Variants in ATPAF1 observed in about 807,000 individuals in gnomAD.
ATPAF1 encodes the protein homolog of yeast ATP11.
Under a neutral mutation model 43.9 loss-of-function variants are expected in ATPAF1, and 26 were observed. The ratio of observed to expected loss-of-function variants is 0.59; its 90% CI spans 0.43 to 0.82. ATPAF1 has a LOEUF of 0.82. Ranked by LOEUF, ATPAF1 falls within the 40% of genes least tolerant of loss-of-function variation. The probability of loss-of-function intolerance (pLI) is 0.00; values close to 1 mark genes in which losing one functional copy is unlikely to be tolerated. For missense variants in ATPAF1, 366 were observed against 435.0 expected, an observed-to-expected ratio of 0.84 and a Z score of 1.41; for synonymous variants, 157 against 168.0, an observed-to-expected ratio of 0.93 and a Z score of 0.50.
intron 6 of ATPAF1, among the ~76,000 whole-genome samples, chr1:46,649,948 G>T (rs1676132729): frequency 2.0e-5 from 3 of 151,926 alleles, no homozygotes; most frequent in Admixed American, 6.6e-5. Context: ...AAAACAAAAT[G>T]TAACAAACTG....
chr1:46,652,397 G>A, intron 6 of ATPAF1, 184 bp downstream of exon 6: 1 of 557,080 alleles, frequency 1.8e-6, no homozygotes, highest in Non-Finnish European at 3.1e-6. Flanking sequence ...CAATCAACGT[G>A]TGAGCATCTT....
intron 2 of ATPAF1, chr1:46,664,990 T>TTG (rs1447668326): frequency 1.9e-5 from 8 of 427,442 alleles, no homozygotes; most frequent in South Asian, 3.5e-5. Flanking sequence ...TCTAGCCTAC[T>TTG]ACCATGTGTG....
At chr1:46,668,505 C>G, upstream of ATPAF1, 1 of 783,934 alleles carries the variant, frequency 1.3e-6, no homozygotes, top group Non-Finnish European at 1.6e-6. The surrounding 1 kb of genome is among the most constrained non-coding windows in gnomAD (Gnocchi z 4.4). Flanking sequence ...GCCGCTCTGG[C>G]CCCGGCACTG....
At chr1:46,641,591 T>C (rs1044057046) in intron 8 of ATPAF1, among the ~76,000 whole-genome samples, 1 of 152,162 alleles carries the variant, frequency 6.6e-6, no homozygotes, top group Admixed American at 6.5e-5. Flanking sequence ...TTTATGAAAC[T>C]GCTCTTATAA....
At chr1:46,650,559 G>C (rs1676145409) in intron 6 of ATPAF1, among the ~76,000 whole-genome samples, 1 of 152,138 alleles carries the variant, frequency 6.6e-6, no homozygotes, top group Admixed American at 6.5e-5. Flanking sequence ...ATGTTGAAGA[G>C]ATATCTGCAC....
Position 46,668,093 on chromosome 1 carries a change from T to C in ATPAF1, c.230A>G (p.Tyr77Cys), listed in dbSNP as rs981477325. 14 of 1,453,424 alleles carry C rather than the reference T, an allele frequency of 9.6e-6. 1 individual carries two copies. Among genetic ancestry groups the C allele is most frequent in the Non-Finnish European group, 4.5e-6 (5 of 1,101,210 alleles). 90.0% of individuals were successfully genotyped at this position (1,453,424 alleles called of 1,614,324 possible). A position where few individuals can be genotyped will look rare whatever the true frequency, so the allele number is the denominator to read the frequency against. ...CTGGATCTTGTCGCGGTAGCGGTCGTAGAAAGGGTTGGCCTGGAGCTCGGC... is the reference window on the plus strand; with the variant it reads ...CTGGATCTTGTCGCGGTAGCGGTCGCAGAAAGGGTTGGCCTGGAGCTCGGC... Residue 77 changes from tyrosine to cysteine, a missense_variant, in exon 1 of 9, where the codon TAC (tyrosine) becomes TGC (cysteine). Physicochemically the swap from Tyr to Cys is radical, Grantham distance 194. Transcript: ENST00000574428. The surrounding 1 kb of genome is among the most constrained non-coding windows in gnomAD (Gnocchi z 4.4).
At chr1:46,667,572 G>A (rs1442660956) in intron 1 of ATPAF1, among the ~76,000 whole-genome samples, 1 of 152,154 alleles carries the variant, frequency 6.6e-6, no homozygotes, top group African/African-American at 2.4e-5. Context: ...TTCAATGGGT[G>A]ATCCGACTGT....
intron 7 of ATPAF1, among the ~76,000 whole-genome samples, chr1:46,644,538 A>G (rs1284898256): frequency 1.3e-5 from 2 of 150,710 alleles, no homozygotes; most frequent in Non-Finnish European, 3.0e-5. Flanking sequence ...CTTTACCCCA[A>G]CTTCAAAGCC....
chr1:46,646,222 CTTT>C (rs1260443110), intron 6 of ATPAF1, among the ~76,000 whole-genome samples: 1 of 152,084 alleles, frequency 6.6e-6, no homozygotes, highest in Non-Finnish European at 1.5e-5. Flanking sequence ...CCTTTTGTAA[CTTT>C]TTTACTTCAT....
At chr1:46,635,485 C>T in exon 9 of ATPAF1, 1 of 386,086 alleles carries the variant, frequency 2.6e-6, no homozygotes, top group Non-Finnish European at 4.7e-6. Flanking sequence ...TTACACTGTG[C>T]AAAATCAAGT....
chr1:46,656,057 T>TA (rs1396934784), intron 4 of ATPAF1, among the ~76,000 whole-genome samples: 1 of 152,050 alleles, frequency 6.6e-6, no homozygotes, highest in African/African-American at 2.4e-5. Flanking sequence ...TGTGAAATAA[T>TA]AAGAAACATG....
intron 8 of ATPAF1, among the ~76,000 whole-genome samples, chr1:46,639,482 G>T (rs1328540579): frequency 6.6e-6 from 1 of 152,118 alleles, no homozygotes; most frequent in African/African-American, 2.4e-5. Context: ...AGCACTTACT[G>T]CATTTCAATG....
At chr1:46,661,100 T>C (rs1425819606) in intron 2 of ATPAF1, among the ~76,000 whole-genome samples, 7 of 147,478 alleles carry the variant, frequency 4.7e-5, no homozygotes, top group Non-Finnish European at 1.0e-4. Context: ...GGAGACAGAG[T>C]CTCACTCTGT....
intron 6 of ATPAF1, among the ~76,000 whole-genome samples, chr1:46,650,684 T>C (rs551094728): frequency 6.6e-6 from 1 of 152,286 alleles, no homozygotes; most frequent in East Asian, 1.9e-4. Context: ...TGGAATACTA[T>C]TTAGCCACAA....
intron 7 of ATPAF1, among the ~76,000 whole-genome samples, chr1:46,644,717 TAAAG>T (rs1447757444): frequency 1.7e-5 from 2 of 117,288 alleles, no homozygotes; most frequent in South Asian, 6.7e-4. Context: ...AATAAAGAAA[TAAAG>T]GAAGAAAGCA....
intron 4 of ATPAF1, among the ~76,000 whole-genome samples, chr1:46,654,495 G>A (rs1202926558): frequency 6.7e-6 from 1 of 149,884 alleles, no homozygotes; most frequent in Non-Finnish European, 1.5e-5. Context: ...TGCTAATAAA[G>A]ATATACCTGA....
intron 3 of ATPAF1, 128 bp from the exon 4 acceptor site, chr1:46,658,317 T>A: frequency 1.3e-6 from 1 of 796,118 alleles, no homozygotes; most frequent in Non-Finnish European, 2.0e-6. Context: ...AGAAAACAAG[T>A]ATAAGAAAAC....
chr1:46,666,779 T>C (rs929801560), intron 1 of ATPAF1, among the ~76,000 whole-genome samples: 3 of 152,164 alleles, frequency 2.0e-5, no homozygotes, highest in African/African-American at 7.2e-5. Context: ...AGTTTGGATG[T>C]TATTTAGAGG....
Position 46,653,701 on chromosome 1 carries a change from A to C in ATPAF1, c.540+116T>G, listed in dbSNP as rs1275696620. 8.7e-6 allele frequency: 8 copies of C among 914,806 alleles called. No homozygotes were observed. Among genetic ancestry groups the C allele is most frequent in the Admixed American group, 2.4e-5 (1 of 41,104 alleles). The allele number at this position is 914,806 out of a possible 1,614,324, so 56.7% of individuals were successfully genotyped here. On this transcript the variant is annotated intron_variant, in intron 5 of 8. Coordinates refer to ENST00000574428, the Ensembl canonical transcript of ATPAF1. This position sits in a 1 kb window ranked among gnomAD's most constrained non-coding sequence, Gnocchi z 4.8. ...CATAATAAAAACTCTCAGGGCTGTA[A>C]AATGCAGCTTCTCAAGAGGCAATAA...
Sources: allele counts gnomAD v4.1 joint callset (sites outside exome capture counted in the v4.1 genomes callset), GRCh38; gene constraint gnomAD v4.1.1; non-coding constraint Gnocchi (gnomAD v3.1); transcripts MANE v1.5; gene names NCBI Gene and HGNC (gene_info 2026-07-23, HGNC 2026-07-21).